Variants in PTGER3 observed in about 807,000 individuals in gnomAD.
PTGER3 encodes prostaglandin E2 receptor EP3 subtype.
A neutral mutation model predicts 34.7 loss-of-function variants in PTGER3; 22 were observed. That is an observed-to-expected ratio of 0.63 (90% CI 0.45 to 0.91). The LOEUF (loss-of-function observed/expected upper bound fraction) is 0.91, where lower values mean the gene tolerates loss of function less well. Ranked by LOEUF, PTGER3 falls within the 40% of genes least tolerant of loss-of-function variation. The pLI is 0.00. For missense variants in PTGER3, 468 were observed against 519.4 expected (o/e 0.90, Z 0.96); for synonymous variants, 241 against 230.1 (o/e 1.05, Z -0.43).
chr1:70,873,797 A>C (rs908829300), intron 4 of PTGER3, among the ~76,000 whole-genome samples: 1 of 151,722 alleles, frequency 6.6e-6, no homozygotes, highest in African/African-American at 2.4e-5. Context: ...ACAGGCACGC[A>C]CCAGCATGCC....
chr1:71,007,490 C>A (rs1657074507), intron 2 of PTGER3: 1 of 985,248 alleles, frequency 1.0e-6, no homozygotes, highest in African/African-American at 1.7e-5. Flanking sequence ...CTCAAGTGTT[C>A]AAAGATAAAT....
At chr1:70,935,590 T>G (rs1649132816) in intron 4 of PTGER3, among the ~76,000 whole-genome samples, 1 of 151,342 alleles carries the variant, frequency 6.6e-6, no homozygotes, top group African/African-American at 2.4e-5. Context: ...TGCTTTTACT[T>G]AACAAATATT....
chr1:71,021,965 A>C (rs1312746498), intron 1 of PTGER3, among the ~76,000 whole-genome samples: 5 of 151,912 alleles, frequency 3.3e-5, no homozygotes, highest in Admixed American at 3.3e-4. Context: ...AAATGTTCAG[A>C]ATGTGAAAAG....
At chr1:70,883,572 A>C (rs1469501480) in intron 4 of PTGER3, among the ~76,000 whole-genome samples, 1 of 152,204 alleles carries the variant, frequency 6.6e-6, no homozygotes, top group East Asian at 1.9e-4. Context: ...TTAATCTGAA[A>C]TTACAAGCCT....
chr1:70,896,691 G>A (rs183728984), intron 4 of PTGER3, among the ~76,000 whole-genome samples: 12 of 152,244 alleles, frequency 7.9e-5, no homozygotes, highest in Admixed American at 5.2e-4. Context: ...CACAGAGTCT[G>A]AAAACCCTTA....
At chr1:70,857,208 T>C (rs1032606604) in intron 4 of PTGER3, among the ~76,000 whole-genome samples, 2 of 152,230 alleles carry the variant, frequency 1.3e-5, no homozygotes, top group African/African-American at 2.4e-5. Flanking sequence ...AGCCATTGTT[T>C]TAATGTATGT....
intron 4 of PTGER3, among the ~76,000 whole-genome samples, chr1:70,907,045 G>A (rs1046559820): frequency 6.6e-6 from 1 of 152,202 alleles, no homozygotes; most frequent in Non-Finnish European, 1.5e-5. Flanking sequence ...TTAGCAAGTT[G>A]TATTAGATTA....
At chr1:70,974,503 A>T in intron 2 of PTGER3, 115 bp from the exon 3 acceptor site, 1 of 636,774 alleles carries the variant, frequency 1.6e-6, no homozygotes, top group Non-Finnish European at 2.9e-6. Flanking sequence ...GATGTTTTAG[A>T]TATTACCTTC....
chr1:70,899,349 A>T (rs1646788042), intron 4 of PTGER3, among the ~76,000 whole-genome samples: 1 of 152,134 alleles, frequency 6.6e-6, no homozygotes, highest in Non-Finnish European at 1.5e-5. Flanking sequence ...GCATATATAT[A>T]ATTCACTCCA....
chr1:70,995,793 A>T (rs1655888939), intron 2 of PTGER3, among the ~76,000 whole-genome samples: 1 of 152,196 alleles, frequency 6.6e-6, no homozygotes, highest in Non-Finnish European at 1.5e-5. Flanking sequence ...ATTATTTTAC[A>T]TTTATCACTA....
In PTGER3 at chr1:71,001,019, TG is replaced by T. The variant is rs1656432716; in HGVS notation, c.1077+11285del. Among the ~76,000 whole-genome samples, 3 of 152,120 alleles carry T rather than the reference TG, an allele frequency of 2.0e-5. No individual in the cohort carries two copies. In the South Asian group the frequency reaches 6.2e-4, roughly 31 times the overall value. On this transcript the variant is annotated intron_variant, in intron 2 of 3. Coordinates refer to ENST00000306666, the MANE Select transcript of PTGER3 (RefSeq NM_198719.2). ...AACAATATATTATTTAAAATTATGG[TG>T]TCATATGCTAGAAAAAACATTGAAA...
chr1:70,885,036 C>G (rs1159902764), intron 4 of PTGER3, among the ~76,000 whole-genome samples: 1 of 152,170 alleles, frequency 6.6e-6, no homozygotes, highest in Non-Finnish European at 1.5e-5. Context: ...CTTTGTCTAA[C>G]TATTCCAAGA....
chr1:70,884,035 G>A (rs781491227), intron 4 of PTGER3: 21 of 384,014 alleles, frequency 5.5e-5, no homozygotes, highest in Non-Finnish European at 4.6e-5. Context: ...TGCAGTGAGC[G>A]GAAATCACTC....
chr1:70,933,084 A>G (rs764058274), intron 4 of PTGER3, among the ~76,000 whole-genome samples: 10 of 152,170 alleles, frequency 6.6e-5, no homozygotes, highest in Non-Finnish European at 1.2e-4. Flanking sequence ...TAACTAGACC[A>G]TGAGCTCCTA....
chr1:70,884,845 C>T (rs1646464039), intron 4 of PTGER3, among the ~76,000 whole-genome samples: 1 of 152,138 alleles, frequency 6.6e-6, no homozygotes. Context: ...AATTTTGCAT[C>T]ATTTTCTGGC....
chr1:70,901,096 C>A (rs542500787), intron 4 of PTGER3, among the ~76,000 whole-genome samples: 3 of 152,298 alleles, frequency 2.0e-5, no homozygotes, highest in East Asian at 3.9e-4. Flanking sequence ...ACCCCTTAGT[C>A]TCCTGGCTGA....
At chr1:71,011,610 TAA>T in intron 2 of PTGER3, 1 of 984,680 alleles carries the variant, frequency 1.0e-6, no homozygotes, top group Non-Finnish European at 1.2e-6. Context: ...CTTATTCAGA[TAA>T]AGAGTAAACC....
chr1:70,852,415 G>T, exon 5 of PTGER3: 1 of 173,822 alleles, frequency 5.8e-6, no homozygotes, highest in Non-Finnish European at 1.2e-5. Flanking sequence ...GATGAGTGTG[G>T]AAATAATTTT....
intron 1 of PTGER3, among the ~76,000 whole-genome samples, chr1:71,014,795 C>T (rs1331805968): frequency 6.6e-6 from 1 of 152,148 alleles, no homozygotes; most frequent in African/African-American, 2.4e-5. Flanking sequence ...AAGTTTACAC[C>T]TTTGTTATGG....
Sources: gnomAD v4.1 joint callset for allele counts (sites outside exome capture counted in the v4.1 genomes callset) on GRCh38, gnomAD v4.1.1 for gene constraint, MANE v1.5 for transcripts, NCBI Gene and HGNC (gene_info 2026-07-23, HGNC 2026-07-21) for gene names.